PKDREJ: variants seen among roughly 807,000 people sequenced by gnomAD.
PKDREJ encodes polycystin family receptor for egg jelly.
For missense variants in PKDREJ, 2,507 were observed against 2,807.2 expected, an observed-to-expected ratio of 0.89 and a Z score of 2.42; for synonymous variants, 1,031 against 1,095.5, an observed-to-expected ratio of 0.94 and a Z score of 1.16.
chr22:46,258,037 T>C lies in PKDREJ; in HGVS notation c.5286A>G (p.Arg1762=). 1 of 1,614,070 alleles carries C rather than the reference T, an allele frequency of 6.2e-7. No homozygotes were observed. The highest frequency in any genetic ancestry group is 8.5e-7 in the Non-Finnish European group (1 of 1,179,992). Residue 1762 remains arginine (R), a synonymous_variant, in exon 1 of 1, where the codon AGA becomes AGG. Coordinates refer to ENST00000253255, the MANE Select transcript of PKDREJ (RefSeq NM_006071.2). This position sits in a 1 kb window ranked among gnomAD's most constrained non-coding sequence, Gnocchi z 6.1. ...ATVTKLEDIY[R]WLNSVLLPLL... ...AAGGCAACAGCACGCTGTTTAGCCA[T>C]CTATAGATGTCTTCCAGCTTAGTCA...
rs1175218785 is a variant in PKDREJ, at chr22:46,255,909, T to C, written c.*652A>G. On this transcript the variant is annotated 3_prime_UTR_variant, in exon 1 of 1. Transcript: ENST00000253255. ...TGTGAACCCATATGTACCTTTTTGT[T>C]GTTTAACAAAACATGTCTCTTGGTC... 1 of 152,424 alleles carries C rather than the reference T, an allele frequency of 6.6e-6. No homozygotes were observed. Among genetic ancestry groups the C allele is most frequent in the African/African-American group, 2.4e-5 (1 of 41,458 alleles). The allele number at this position is 152,424 out of a possible 1,614,324, so 9.4% of individuals were successfully genotyped here.
In PKDREJ at chr22:46,256,731, G is replaced by A. The variant is rs151099500; in HGVS notation, c.6592C>T (p.Arg2198Cys). 126 of 1,614,076 alleles carry A rather than the reference G, an allele frequency of 7.8e-5. No individual in the cohort carries two copies. In the African/African-American group the frequency reaches 1.4e-3, roughly 18 times the overall value. ...DEVEAMTYLC[R>C]KLRTMFSFLT... ...AAGCTGAACATGGTTCTCAGCTTAC[G>A]GCACAAATAGGTCATTGCTTCCACT... Residue 2198 changes from arginine to cysteine, a missense_variant, in exon 1 of 1, where the codon CGT becomes TGT. By Grantham distance (180) the Arg-to-Cys change is radical. Coordinates refer to ENST00000253255, the MANE Select transcript of PKDREJ (RefSeq NM_006071.2). The surrounding 1 kb of genome is among the most constrained non-coding windows in gnomAD (Gnocchi z 5.3).
In PKDREJ at chr22:46,258,203, G is replaced by T; in HGVS notation, c.5120C>A (p.Ala1707Glu). 2 of 1,614,124 alleles carry T rather than the reference G, an allele frequency of 1.2e-6. No homozygotes were observed. The highest frequency in any genetic ancestry group is 1.7e-6 in the Non-Finnish European group (2 of 1,179,954). Residue 1707 changes from alanine to glutamate, a missense_variant, in exon 1 of 1, where the codon GCA (alanine) becomes GAA (glutamate). Ala to Glu is a moderately radical substitution (Grantham distance 107). Coordinates refer to ENST00000253255, the MANE Select transcript of PKDREJ (RefSeq NM_006071.2). The surrounding 1 kb of genome is among the most constrained non-coding windows in gnomAD (Gnocchi z 6.1). ...TAGAATGTAACTCAGAAACAGGAGT[G>T]CTCTTCTCTTGATCCTCTTCTTTCT... ...FKRKKRIKRR[A>E]LLFLSYILTH...
chr22:46,256,702 C>A lies in PKDREJ; in HGVS notation c.6621G>T (p.Leu2207=). 6.2e-7 allele frequency: 1 copy of A among 1,614,166 alleles called. No individual in the cohort carries two copies. Among genetic ancestry groups the A allele is most frequent in the South Asian group, 1.1e-5 (1 of 91,088 alleles). ...CATCTTTGGCCTTAGATTGCGAGGTCAGAAAGCTGAACATGGTTCTCAGCT... is the reference window on the plus strand; with the variant it reads ...CATCTTTGGCCTTAGATTGCGAGGTAAGAAAGCTGAACATGGTTCTCAGCT... ...CRKLRTMFSF[L]TSQSKAKDEP... is the part of the protein sequence containing the mutation. The change falls in exon 1 of 1, where the codon CTG becomes CTT. Residue 2207 remains leucine (L), a synonymous_variant. Coordinates refer to ENST00000253255, the MANE Select transcript of PKDREJ (RefSeq NM_006071.2). The surrounding 1 kb of genome is among the most constrained non-coding windows in gnomAD (Gnocchi z 5.3).
At position 46,256,686 on chromosome 22, in the gene PKDREJ, C is replaced by T. The variant is rs752941940; in HGVS notation, c.6637G>A (p.Ala2213Thr). The T allele has an allele frequency of 6.8e-6, 11 of 1,614,126 alleles. No individual in the cohort carries two copies. The East Asian group carries it at 2.5e-4, about 36-fold the overall frequency. Residue 2213 changes from alanine to threonine, a missense_variant, in exon 1 of 1, where the codon GCC (alanine) becomes ACC (threonine). Coordinates refer to ENST00000253255, the MANE Select transcript of PKDREJ (RefSeq NM_006071.2). This position sits in a 1 kb window ranked among gnomAD's most constrained non-coding sequence, Gnocchi z 5.3. The part of the protein sequence containing the change: ...MFSFLTSQSK[A>T]KDEPEFFIDM... The stretch of plus-strand genomic sequence containing the variant: ...ATAAAGAACTCAGGCTCATCTTTGG[C>T]CTTAGATTGCGAGGTCAGAAAGCTG...
rs141309295 is a variant in PKDREJ at position 46,257,041 on chromosome 22, A to G, written c.6282T>C (p.Phe2094=). ...AALPGICHMA[F]VVSVYFFVYM... ...ATACGAAGAAATACACGGACACAAC[A>G]AATGCCATGTGGCAGATGCCAGGGA... The change falls in exon 1 of 1, where the codon TTT becomes TTC. Residue 2094 remains phenylalanine (F), a synonymous_variant. Transcript: ENST00000253255. The surrounding 1 kb of genome is among the most constrained non-coding windows in gnomAD (Gnocchi z 4.7). 6.3e-5 allele frequency: 102 copies of G among 1,614,004 alleles called. No individual in the cohort carries two copies. The African/African-American group carries it at 1.2e-3, about 19-fold the overall frequency.
chr22:46,260,226 C>T lies in PKDREJ; in HGVS notation c.3097G>A (p.Asp1033Asn). The T allele has an allele frequency of 7.4e-6, 12 of 1,614,146 alleles. No individual in the cohort carries two copies. The highest frequency in any genetic ancestry group is 1.0e-5 in the Non-Finnish European group (12 of 1,180,032). Residue 1033 changes from aspartate (D) to asparagine (N), a missense_variant, in exon 1 of 1, where the codon GAC (aspartate) becomes AAC (asparagine). Transcript: ENST00000253255. The surrounding 1 kb of genome is among the most constrained non-coding windows in gnomAD (Gnocchi z 4.5). Reference protein sequence around the residue: ...ALVATFLVPHDIPPFASQSAL... With the variant: ...ALVATFLVPHNIPPFASQSAL... Reference sequence around the variant, plus strand: ...CTCTGGCTGGCAAATGGAGGGATGTCATGAGGCACCAGGAAGGTGGCGACC... The same window carrying T: ...CTCTGGCTGGCAAATGGAGGGATGTTATGAGGCACCAGGAAGGTGGCGACC...
chr22:46,257,289 A>G lies in PKDREJ; in HGVS notation c.6034T>C (p.Leu2012=), dbSNP rs1216308466. The G allele has an allele frequency of 6.2e-7, 1 of 1,614,120 alleles. No individual in the cohort carries two copies. Among genetic ancestry groups the G allele is most frequent in the South Asian group, 1.1e-5 (1 of 91,070 alleles). The change falls in exon 1 of 1, where the codon TTG becomes CTG. Residue 2012 remains leucine (L), a synonymous_variant. Transcript: ENST00000253255. The surrounding 1 kb of genome is among the most constrained non-coding windows in gnomAD (Gnocchi z 4.7). ...NFALKCIFTV[L]IVLFLRKHFL... is the part of the protein sequence containing the mutation. ...TGTTTCCTGAGAAAGAGCACAATCA[A>G]CACAGTAAATATGCACTTTAAAGCA...
At position 46,260,139 on chromosome 22, in the gene PKDREJ, G is replaced by A. The variant is rs1382926100; in HGVS notation, c.3184C>T (p.Leu1062=). The A allele has an allele frequency of 6.2e-7, 1 of 1,613,694 alleles. No homozygotes were observed. Among genetic ancestry groups the A allele is most frequent in the African/African-American group, 1.3e-5 (1 of 74,896 alleles). Residue 1062 remains leucine, a synonymous_variant, in exon 1 of 1, where the codon CTG becomes TTG. Coordinates refer to ENST00000253255, the MANE Select transcript of PKDREJ (RefSeq NM_006071.2). This position sits in a 1 kb window ranked among gnomAD's most constrained non-coding sequence, Gnocchi z 4.5. ...KARVVCLPVS[L]LQLIAQHSHS... The stretch of plus-strand genomic sequence containing the variant: ...CTGTGCTGAGCTATGAGTTGCAGCA[G>A]GGACACAGGGAGGCAGACTACACGG...
In PKDREJ at chr22:46,260,971, T is replaced by C; in HGVS notation, c.2352A>G (p.Ala784=). The part of the protein sequence containing the change: ...QKRATMRVWQ[A]NQALQEYQQK... ...GCTGATACTCTTGTAGGGCTTGATT[T>C]GCTTGCCATACCCTCATGGTGGCAC... Residue 784 remains alanine (A), a synonymous_variant, in exon 1 of 1, where the codon GCA becomes GCG. Coordinates refer to ENST00000253255, the MANE Select transcript of PKDREJ (RefSeq NM_006071.2). This position sits in a 1 kb window ranked among gnomAD's most constrained non-coding sequence, Gnocchi z 4.5. The C allele has an allele frequency of 6.2e-7, 1 of 1,614,214 alleles. No homozygotes were observed. The highest frequency in any genetic ancestry group is 8.5e-7 in the Non-Finnish European group (1 of 1,180,026).
In PKDREJ at chr22:46,256,429, T is replaced by C; in HGVS notation, c.*132A>G. The stretch of plus-strand genomic sequence containing the variant: ...GGACAAGATTGGGGATTCTTCCAAA[T>C]GTAGGGGATGTGCCTTGTGAAGGAC... On this transcript the variant is annotated 3_prime_UTR_variant, in exon 1 of 1. Coordinates refer to ENST00000253255, the MANE Select transcript of PKDREJ (RefSeq NM_006071.2). The surrounding 1 kb of genome is among the most constrained non-coding windows in gnomAD (Gnocchi z 5.3). 6.9e-7 allele frequency: 1 copy of C among 1,447,382 alleles called. No homozygotes were observed. Among genetic ancestry groups the C allele is most frequent in the African/African-American group, 1.4e-5 (1 of 70,398 alleles). The allele number at this position is 1,447,382 out of a possible 1,614,324, so 89.7% of individuals were successfully genotyped here.
Position 46,260,804 on chromosome 22 carries a change from G to A in PKDREJ, c.2519C>T (p.Thr840Ile), listed in dbSNP as rs1394278747. 6.2e-7 allele frequency: 1 copy of A among 1,613,830 alleles called. No homozygotes were observed. The highest frequency in any genetic ancestry group is 8.5e-7 in the Non-Finnish European group (1 of 1,179,862). The stretch of plus-strand genomic sequence containing the variant: ...CCCTGGCACTTTATTAGCCAGTATT[G>A]TGTCTGATAGAGATTCTATTACATA... ...PFYVIESLSDTILANKVPGNK... is the reference protein window; with the variant it reads ...PFYVIESLSDIILANKVPGNK... Residue 840 changes from threonine (T) to isoleucine (I), a missense_variant, in exon 1 of 1, where the codon ACA (threonine) becomes ATA (isoleucine). By Grantham distance (89) the Thr-to-Ile change is moderately conservative. Coordinates refer to ENST00000253255, the MANE Select transcript of PKDREJ (RefSeq NM_006071.2). This position sits in a 1 kb window ranked among gnomAD's most constrained non-coding sequence, Gnocchi z 4.5.
Position 46,260,017 on chromosome 22 carries a change from G to A in PKDREJ, c.3306C>T (p.Val1102=), listed in dbSNP as rs1569270954. 5 of 1,614,118 alleles carry A rather than the reference G, an allele frequency of 3.1e-6. No homozygotes were observed. Among genetic ancestry groups the A allele is most frequent in the Non-Finnish European group, 4.2e-6 (5 of 1,180,032 alleles). ...DKLVRISIFS[V]QCLDMYGIQS... is the part of the protein sequence containing the mutation. ...GGATCCCATACATGTCCAAGCACTG[G>A]ACGCTGAAAATAGAAATTCTCACTA... The change falls in exon 1 of 1, where the codon GTC becomes GTT. Residue 1102 remains valine (V), a synonymous_variant. Transcript: ENST00000253255. The surrounding 1 kb of genome is among the most constrained non-coding windows in gnomAD (Gnocchi z 4.5).
chr22:46,257,102 T>C lies in PKDREJ; in HGVS notation c.6221A>G (p.Asp2074Gly). The change falls in exon 1 of 1, where the codon GAT (aspartate) becomes GGT (glycine). Residue 2074 changes from aspartate to glycine, a missense_variant. Asp to Gly is a moderately conservative substitution (Grantham distance 94). Coordinates refer to ENST00000253255, the MANE Select transcript of PKDREJ (RefSeq NM_006071.2). This position sits in a 1 kb window ranked among gnomAD's most constrained non-coding sequence, Gnocchi z 4.7. Reference protein sequence around the residue: ...KTLRYSRFFYDVRLAQRAIQA... With the variant: ...KTLRYSRFFYGVRLAQRAIQA... ...GATGGCCCTCTGAGCCAGGCGCACA[T>C]CGTAGAAGAATCTGGAATACCTGAG... The C allele has an allele frequency of 6.2e-7, 1 of 1,613,916 alleles. No homozygotes were observed. The highest frequency in any genetic ancestry group is 8.5e-7 in the Non-Finnish European group (1 of 1,180,026).
chr22:46,259,348 C>A lies in PKDREJ; in HGVS notation c.3975G>T (p.Trp1325Cys). 4 of 1,614,212 alleles carry A rather than the reference C, an allele frequency of 2.5e-6. No homozygotes were observed. Among genetic ancestry groups the A allele is most frequent in the Non-Finnish European group, 3.4e-6 (4 of 1,180,034 alleles). The change falls in exon 1 of 1, where the codon TGG (tryptophan) becomes TGT (cysteine). Residue 1325 changes from tryptophan to cysteine, a missense_variant. By Grantham distance (215) the Trp-to-Cys change is radical. Transcript: ENST00000253255. The surrounding 1 kb of genome is among the most constrained non-coding windows in gnomAD (Gnocchi z 6.8). Reference sequence around the variant, plus strand: ...AAAGCCATTTCTGGCATATGAACAGCCAAATGTGCCTGCTAAACAGATTTT... The same window carrying A: ...AAAGCCATTTCTGGCATATGAACAGACAAATGTGCCTGCTAAACAGATTTT... ...KVENLFSRHI[W>C]LFICQKWLSV...
rs780919069 is a variant in PKDREJ, at chr22:46,256,849, C to T, written c.6474G>A (p.Val2158=). ...ATAAGTTGATCAAGACGCAGATCAT[C>T]ACCAGCATGAAAGATGAGAGGAACA... The part of the protein sequence containing the change: ...GVLFLSSFML[V]MICVLINLFQ... Residue 2158 remains valine, a synonymous_variant, in exon 1 of 1, where the codon GTG becomes GTA. Coordinates refer to ENST00000253255, the MANE Select transcript of PKDREJ (RefSeq NM_006071.2). The surrounding 1 kb of genome is among the most constrained non-coding windows in gnomAD (Gnocchi z 5.3). 6.2e-7 allele frequency: 1 copy of T among 1,614,028 alleles called. No individual in the cohort carries two copies. The highest frequency in any genetic ancestry group is 8.5e-7 in the Non-Finnish European group (1 of 1,180,030).
rs756616418 is a variant in PKDREJ, at chr22:46,261,863, C to T, written c.1460G>A (p.Ser487Asn). ...SLFLNCTNCA[S>N]RDFYKWSILS... ...AATTGACCATTTATAGAAATCACGG[C>T]TTGCACAATTTGTGCAATTTAGGAA... is the stretch of plus-strand genomic sequence containing the variant. The change falls in exon 1 of 1, where the codon AGC becomes AAC. Residue 487 changes from serine (S) to asparagine (N), a missense_variant. Transcript: ENST00000253255. The surrounding 1 kb of genome is among the most constrained non-coding windows in gnomAD (Gnocchi z 7.1). 1 of 1,613,762 alleles carries T rather than the reference C, an allele frequency of 6.2e-7. No homozygotes were observed. Among genetic ancestry groups the T allele is most frequent in the Non-Finnish European group, 8.5e-7 (1 of 1,179,852 alleles).
Position 46,256,916 on chromosome 22 carries a change from A to G in PKDREJ, c.6407T>C (p.Phe2136Ser). 5 of 1,613,984 alleles carry G rather than the reference A, an allele frequency of 3.1e-6. No individual in the cohort carries two copies. The highest frequency in any genetic ancestry group is 3.4e-6 in the Non-Finnish European group (4 of 1,179,950). The stretch of plus-strand genomic sequence containing the variant: ...GTTATTGGAAAATTCAGTGTTCTGG[A>G]AAGCTGAGACACAATAGGAAAATAC... ...QTVFSYCVSA[F>S]QNTEFSNNRI... The change falls in exon 1 of 1, where the codon TTC (phenylalanine) becomes TCC (serine). Residue 2136 changes from phenylalanine (F) to serine (S), a missense_variant. Transcript: ENST00000253255. This position sits in a 1 kb window ranked among gnomAD's most constrained non-coding sequence, Gnocchi z 5.3.
Position 46,261,213 on chromosome 22 carries a change from A to T in PKDREJ, c.2110T>A (p.Leu704Ile). The change falls in exon 1 of 1, where the codon TTA becomes ATA. Residue 704 changes from leucine to isoleucine, a missense_variant. By Grantham distance (5) the Leu-to-Ile change is conservative (BLOSUM62 2). Coordinates refer to ENST00000253255, the MANE Select transcript of PKDREJ (RefSeq NM_006071.2). This position sits in a 1 kb window ranked among gnomAD's most constrained non-coding sequence, Gnocchi z 7.1. ...LSTLIQKKDF[L>I]PAGYLLYIVA... is the part of the protein sequence containing the mutation. ...ATATACAGTAAGTAACCTGCAGGTA[A>T]AAAATCCTTCTTTTGAATCAAAGTA... 2 of 1,614,082 alleles carry T rather than the reference A, an allele frequency of 1.2e-6. No homozygotes were observed. Among genetic ancestry groups the T allele is most frequent in the Non-Finnish European group, 1.7e-6 (2 of 1,180,020 alleles).
Sources: allele counts gnomAD v4.1 joint callset, GRCh38; gene constraint gnomAD v4.1.1; non-coding constraint Gnocchi (gnomAD v3.1); transcripts MANE v1.5; gene names NCBI Gene and HGNC (gene_info 2026-07-23, HGNC 2026-07-21).